Variants in MTMR7 observed in about 807,000 individuals in gnomAD.
The protein encoded by MTMR7 is phosphatidylinositol-3-phosphate phosphatase MTMR7.
A neutral mutation model predicts 81.2 loss-of-function variants in MTMR7; 76 were observed. That is an observed-to-expected ratio of 0.94 (90% CI 0.78 to 1.13). The LOEUF (loss-of-function observed/expected upper bound fraction) is 1.13. MTMR7 is among the 50% of genes most tolerant of loss of function. The probability of loss-of-function intolerance (pLI) is 0.00; values close to 1 mark genes in which losing one functional copy is unlikely to be tolerated. For synonymous variants in MTMR7, 372 were observed against 289.8 expected (o/e 1.28, Z -2.88); for missense variants, 1,044 against 820.0 (o/e 1.27, Z -3.34).
intron 4 of MTMR7, among the ~76,000 whole-genome samples, chr8:17,358,411 T>C (rs1383964515): frequency 2.0e-5 from 3 of 152,158 alleles, no homozygotes; most frequent in African/African-American, 7.2e-5. Context: ...AATGCAAACA[T>C]GTTAGGACTT....
At chr8:17,323,308 C>T (rs906989227) in intron 7 of MTMR7, among the ~76,000 whole-genome samples, 14 of 151,980 alleles carry the variant, frequency 9.2e-5, no homozygotes, top group African/African-American at 3.4e-4. Context: ...ACAGCAAATA[C>T]ACTGGGGTCG....
In MTMR7 at chr8:17,403,351, T is replaced by G. The variant is rs151025708; in HGVS notation, c.24+9918A>C. 7.7e-3 allele frequency among the ~76,000 whole-genome samples: 1,169 copies of G among 152,316 alleles called. 28 individuals are homozygous for G. The highest frequency in any genetic ancestry group is 0.027 in the African/African-American group (1,116 of 41,584). On this transcript the variant is annotated intron_variant, in intron 1 of 13. Coordinates refer to ENST00000180173, the MANE Select transcript of MTMR7 (RefSeq NM_004686.5). ...AAGAGACTGTCTTTTTCCCAATATA[T>G]GTCATTGGCACTATTTTCGAAAACA... is the stretch of plus-strand genomic sequence containing the variant.
intron 3 of MTMR7, among the ~76,000 whole-genome samples, chr8:17,369,912 T>C (rs571962955): frequency 3.0e-4 from 46 of 152,240 alleles, no homozygotes; most frequent in African/African-American, 1.1e-3. Context: ...CCCAAAGTGC[T>C]GGGATTACAG....
At chr8:17,348,594 T>C (rs1339811687) in intron 5 of MTMR7, among the ~76,000 whole-genome samples, 1 of 144,080 alleles carries the variant, frequency 6.9e-6, no homozygotes, top group Admixed American at 7.1e-5. Flanking sequence ...GAATGGGCCA[T>C]GGACTTCGGG....
At chr8:17,324,277 C>T (rs754097937) in intron 7 of MTMR7, among the ~76,000 whole-genome samples, 10 of 152,182 alleles carry the variant, frequency 6.6e-5, no homozygotes, top group Non-Finnish European at 1.5e-4. Flanking sequence ...TGAGCGTCTG[C>T]GATAAATGTC....
At chr8:17,364,183 C>A (rs1416259849) in intron 3 of MTMR7, among the ~76,000 whole-genome samples, 1 of 151,778 alleles carries the variant, frequency 6.6e-6, no homozygotes, top group Non-Finnish European at 1.5e-5. Flanking sequence ...GAGCCCGCCA[C>A]CACGCCCGGC....
Position 17,335,890 on chromosome 8 carries a change from G to A in MTMR7, c.733-4608C>T, listed in dbSNP as rs558513367. On this transcript the variant is annotated intron_variant, in intron 6 of 13. Transcript: ENST00000180173. ...GACGCAAAATTAGCTCTTCCCCGCCGCCTTACAGGCTGTGTGGACTGCTGA... is the reference window on the plus strand; with the variant it reads ...GACGCAAAATTAGCTCTTCCCCGCCACCTTACAGGCTGTGTGGACTGCTGA... Among the ~76,000 whole-genome samples, 6 of 152,294 alleles carry A rather than the reference G, an allele frequency of 3.9e-5. No homozygotes were observed. The South Asian group carries it at 1.2e-3, about 32-fold the overall frequency.
intron 1 of MTMR7, among the ~76,000 whole-genome samples, chr8:17,397,586 T>C (rs1158957046): frequency 6.6e-6 from 1 of 152,078 alleles, no homozygotes; most frequent in East Asian, 1.9e-4. Context: ...TTTAAGGATG[T>C]TGACTCCAAT....
chr8:17,308,435 T>G (rs1817607076), intron 10 of MTMR7, among the ~76,000 whole-genome samples: 1 of 152,168 alleles, frequency 6.6e-6, no homozygotes, highest in South Asian at 2.1e-4. Flanking sequence ...ATAGAATTCC[T>G]GAAAATCACA....
chr8:17,409,791 T>C (rs1259092279), intron 1 of MTMR7, among the ~76,000 whole-genome samples: 1 of 152,098 alleles, frequency 6.6e-6, no homozygotes, highest in Non-Finnish European at 1.5e-5. Context: ...AATTTGAAAC[T>C]AGAAAGATGA....
intron 1 of MTMR7, among the ~76,000 whole-genome samples, chr8:17,380,309 A>G (rs965874736): frequency 2.0e-5 from 3 of 152,212 alleles, no homozygotes; most frequent in African/African-American, 7.2e-5. Flanking sequence ...ACATCCATGC[A>G]CTGCACAATC....
chr8:17,357,270 C>T (rs1363663644), intron 4 of MTMR7, among the ~76,000 whole-genome samples: 2 of 152,182 alleles, frequency 1.3e-5, no homozygotes, highest in Admixed American at 1.3e-4. Context: ...TACTACTATA[C>T]ACAGAACTAA....
chr8:17,375,076 C>A (rs1820539546), intron 1 of MTMR7, among the ~76,000 whole-genome samples: 1 of 152,128 alleles, frequency 6.6e-6, no homozygotes, highest in Non-Finnish European at 1.5e-5. Flanking sequence ...GCAACAAGAG[C>A]AAAACTCCTT....
chr8:17,311,717 G>A, intron 8 of MTMR7, 81 bp from the exon 9 acceptor site: 2 of 1,586,904 alleles, frequency 1.3e-6, no homozygotes, highest in Non-Finnish European at 1.7e-6. Context: ...AGGTTTGACT[G>A]TATATTTACA....
At chr8:17,385,788 T>C (rs1820920153) in intron 1 of MTMR7, among the ~76,000 whole-genome samples, 1 of 152,166 alleles carries the variant, frequency 6.6e-6, no homozygotes, top group South Asian at 2.1e-4. Context: ...CCTTCCACCA[T>C]GATTGTGTTT....
chr8:17,340,298 T>C (rs1772141236), intron 6 of MTMR7, among the ~76,000 whole-genome samples: 1 of 152,240 alleles, frequency 6.6e-6, no homozygotes, highest in Admixed American at 6.5e-5. Context: ...ATCCCACTCT[T>C]GTTGCCTAAC....
At chr8:17,310,006 A>C (rs1817694910) in intron 9 of MTMR7, among the ~76,000 whole-genome samples, 1 of 152,004 alleles carries the variant, frequency 6.6e-6, no homozygotes, top group South Asian at 2.1e-4. Context: ...TTTATATTTT[A>C]AAATTTATTT....
At chr8:17,349,668 C>T (rs1243653638) in intron 4 of MTMR7, among the ~76,000 whole-genome samples, 1 of 152,168 alleles carries the variant, frequency 6.6e-6, no homozygotes, top group Non-Finnish European at 1.5e-5. Context: ...CTTCCTTGAC[C>T]TTTCAGCCCA....
intron 7 of MTMR7, among the ~76,000 whole-genome samples, chr8:17,319,955 T>C (rs1396018805): frequency 2.6e-5 from 4 of 152,178 alleles, no homozygotes; most frequent in Admixed American, 2.6e-4. Context: ...TTGAAATATG[T>C]CTGATCAGGA....
Sources: allele counts gnomAD v4.1 joint callset (sites outside exome capture counted in the v4.1 genomes callset), GRCh38; gene constraint gnomAD v4.1.1; transcripts MANE v1.5; gene names NCBI Gene and HGNC (gene_info 2026-07-23, HGNC 2026-07-21).